RAB11FIP5: variants seen among roughly 807,000 people sequenced by gnomAD.
The protein encoded by RAB11FIP5 is rab11 family-interacting protein 5.
A neutral mutation model predicts 85.1 loss-of-function variants in RAB11FIP5; 48 were observed. That is an observed-to-expected ratio of 0.56 (90% confidence interval 0.45 to 0.72). RAB11FIP5 has a LOEUF of 0.72. RAB11FIP5 is among the 30% of genes least tolerant of loss of function. RAB11FIP5 has a pLI of 0.00. For missense variants in RAB11FIP5, 1,491 were observed against 1,687.0 expected, an observed-to-expected ratio of 0.88 and a Z score of 2.04; for synonymous variants, 729 against 727.3, an observed-to-expected ratio of 1.00 and a Z score of -0.04.
In RAB11FIP5 at chr2:73,080,003, G is replaced by A. The variant is rs1021772889; in HGVS notation, c.3229C>T (p.Leu1077Phe). 3.6e-5 allele frequency: 44 copies of A among 1,232,118 alleles called. No homozygotes were observed. Among genetic ancestry groups the A allele is most frequent in the Non-Finnish European group, 4.5e-5 (44 of 988,050 alleles). The allele number at this position is 1,232,118 out of a possible 1,614,324, so 76.3% of individuals were successfully genotyped here. A position where few individuals can be genotyped will look rare whatever the true frequency, so the allele number is the denominator to read the frequency against. The part of the protein sequence containing the change: ...LFQGSRDPPS[L>F]SSASPPGSRE... ...GACCCTGGCGGGGATGCAGATGAGA[G>A]GCTGGGAGGATCTCGGCTCCCCTGA... Residue 1077 changes from leucine to phenylalanine, a missense_variant, in exon 4 of 6, where the codon CTC becomes TTC. By Grantham distance (22) the Leu-to-Phe change is conservative (BLOSUM62 0). Around this residue, in one of 3 missense-constraint regions of RAB11FIP5, gnomAD observed 48 missense variants for 89.9 expected, o/e 0.53. Coordinates refer to ENST00000486777, the MANE Select transcript of RAB11FIP5 (RefSeq NM_001371272.1).
Position 73,112,662 on chromosome 2 carries a change from C to T in RAB11FIP5, c.116G>A (p.Gly39Asp), listed in dbSNP as rs1181314710. 4 of 1,596,336 alleles carry T rather than the reference C, an allele frequency of 2.5e-6. No homozygotes were observed. The highest frequency in any genetic ancestry group is 2.6e-6 in the Non-Finnish European group (3 of 1,173,224). ...CACCGTGTACGCGTCGCTGGTGCTG[C>T]CCGCTCCCGAGCTCTTGCCCCGCAG... Reference protein sequence around the residue: ...RGLRGKSSGAGSTSDAYTVIQ... With the variant: ...RGLRGKSSGADSTSDAYTVIQ... The change falls in exon 1 of 6, where the codon GGC becomes GAC. Residue 39 changes from glycine (G) to aspartate (D), a missense_variant. This residue lies in a region of RAB11FIP5 where 1,211 missense variants were observed against 1,338.0 expected (regional missense o/e 0.91). Transcript: ENST00000486777.
chr2:73,075,536 C>T lies in RAB11FIP5; in HGVS notation c.3960G>A (p.Pro1320=), dbSNP rs748028651. 17 of 1,613,950 alleles carry T rather than the reference C, an allele frequency of 1.1e-5. No homozygotes were observed. The highest frequency in any genetic ancestry group is 6.6e-5 in the South Asian group (6 of 91,076). Residue 1320 remains proline (P), a synonymous_variant, in exon 6 of 6, where the codon CCG becomes CCA. Coordinates refer to ENST00000486777, the MANE Select transcript of RAB11FIP5 (RefSeq NM_001371272.1). This position sits in a 1 kb window ranked among gnomAD's most constrained non-coding sequence, Gnocchi z 4.6. ...ETSPTLLQIP[P]GPPK ...GTGAGGAAGGCTATTTGGGGGGGCCCGGGGGGATCTGCAGCAGCGTGGGTG... is the reference window on the plus strand; with the variant it reads ...GTGAGGAAGGCTATTTGGGGGGGCCTGGGGGGATCTGCAGCAGCGTGGGTG...
chr2:73,088,856 G>T (rs767480208), intron 2 of RAB11FIP5, 23 bp downstream of exon 2: 26 of 1,545,744 alleles, frequency 1.7e-5, no homozygotes, highest in Non-Finnish European at 2.2e-5. Flanking sequence ...CCTCCCCAGG[G>T]CGGCGGCCCT....
rs72903417 is a variant in RAB11FIP5 at position 73,080,914 on chromosome 2, G to A, written c.2318C>T (p.Pro773Leu). Residue 773 changes from proline to leucine, a missense_variant, in exon 4 of 6, where the codon CCG becomes CTG. Pro to Leu is a moderately conservative substitution (Grantham distance 98, BLOSUM62 -3). Around this residue, in one of 3 missense-constraint regions of RAB11FIP5, gnomAD observed 1,211 missense variants for 1,338.0 expected, o/e 0.91. Transcript: ENST00000486777. ...GSEPDRELPA[P>L]EVEAGQSPAD... ...CGGACTCTGCCCTGCTTCCACTTCC[G>A]GGGCTGGCAGTTCCCTGTCTGGTTC... 1.3e-3 allele frequency: 1,583 copies of A among 1,232,578 alleles called. 6 individuals are homozygous for A. Among genetic ancestry groups the A allele is most frequent in the African/African-American group, 0.012 (794 of 64,534 alleles). The allele number at this position is 1,232,578 out of a possible 1,614,324, so 76.4% of individuals were successfully genotyped here.
chr2:73,096,778 C>T (rs866611989), intron 1 of RAB11FIP5, among the ~76,000 whole-genome samples: 2 of 152,192 alleles, frequency 1.3e-5, no homozygotes, highest in African/African-American at 4.8e-5. Context: ...ACGCCCCGCT[C>T]TCCCTCACTC....
At chr2:73,112,082 T>C (rs1261583900) in intron 1 of RAB11FIP5, among the ~76,000 whole-genome samples, 1 of 152,154 alleles carries the variant, frequency 6.6e-6, no homozygotes, top group East Asian at 1.9e-4. Flanking sequence ...CTAACTTTAC[T>C]TGACAATCTA....
At position 73,081,700 on chromosome 2, in the gene RAB11FIP5, A is replaced by C. The variant is rs1043790961; in HGVS notation, c.1569-37T>G. 2 of 1,230,988 alleles carry C rather than the reference A, an allele frequency of 1.6e-6. No individual in the cohort carries two copies. Among genetic ancestry groups the C allele is most frequent in the African/African-American group, 3.1e-5 (2 of 64,330 alleles). The allele number at this position is 1,230,988 out of a possible 1,614,324, so 76.3% of individuals were successfully genotyped here. The stretch of plus-strand genomic sequence containing the variant: ...GACAAAACCGTGAGCCTCCTGGTTA[A>C]TGCCAAGACTGGAAAGGCCCCTGAG... On this transcript the variant is annotated intron_variant, in intron 3 of 5. Transcript: ENST00000486777. The surrounding 1 kb of genome is among the most constrained non-coding windows in gnomAD (Gnocchi z 4.2).
chr2:73,092,037 G>T (rs947815838), intron 1 of RAB11FIP5, among the ~76,000 whole-genome samples: 9 of 152,216 alleles, frequency 5.9e-5, no homozygotes, highest in African/African-American at 2.2e-4. Flanking sequence ...GGCAGGAGAG[G>T]AAGTTTGACA....
At position 73,089,238 on chromosome 2, in the gene RAB11FIP5, C is replaced by A. The variant is rs765728323; in HGVS notation, c.509G>T (p.Arg170Leu). The A allele has an allele frequency of 1.1e-5, 18 of 1,614,034 alleles. No individual in the cohort carries two copies. The highest frequency in any genetic ancestry group is 1.7e-5 in the Admixed American group (1 of 60,006). ...AAACATACTGGCGCTCAGGTTGTTGCGCGTGAACTGGATGGTGACTTCAAT... is the reference window on the plus strand; with the variant it reads ...AAACATACTGGCGCTCAGGTTGTTGAGCGTGAACTGGATGGTGACTTCAAT... The part of the protein sequence containing the change: ...GEIEVTIQFT[R>L]NNLSASMFDL... Residue 170 changes from arginine (R) to leucine (L), a missense_variant, in exon 2 of 6, where the codon CGC becomes CTC. By Grantham distance (102) the Arg-to-Leu change is moderately radical. This residue lies in a region of RAB11FIP5 where 1,211 missense variants were observed against 1,338.0 expected (regional missense o/e 0.91). Coordinates refer to ENST00000486777, the MANE Select transcript of RAB11FIP5 (RefSeq NM_001371272.1). The surrounding 1 kb of genome is among the most constrained non-coding windows in gnomAD (Gnocchi z 4.6).
chr2:73,091,099 A>G (rs1684199023), intron 1 of RAB11FIP5, among the ~76,000 whole-genome samples: 1 of 152,224 alleles, frequency 6.6e-6, no homozygotes, highest in African/African-American at 2.4e-5. Flanking sequence ...ACAAAAAGGA[A>G]GAAACTATGA....
rs997379392 is a variant in RAB11FIP5 at position 73,078,302 on chromosome 2, G to T, written c.3581+1349C>A. ...TTGAGGAATGAGACAGCTCTATTTG[G>T]CCCGTCCACTTCATAACAGAAGGAA... On this transcript the variant is annotated intron_variant, in intron 4 of 5. Coordinates refer to ENST00000486777, the MANE Select transcript of RAB11FIP5 (RefSeq NM_001371272.1). This position sits in a 1 kb window ranked among gnomAD's most constrained non-coding sequence, Gnocchi z 4.4. Among the ~76,000 whole-genome samples, 2 of 152,188 alleles carry T rather than the reference G, an allele frequency of 1.3e-5. No homozygotes were observed. Among genetic ancestry groups the T allele is most frequent in the Non-Finnish European group, 2.9e-5 (2 of 68,034 alleles).
chr2:73,109,869 C>T (rs928419913), intron 1 of RAB11FIP5, among the ~76,000 whole-genome samples: 2 of 152,380 alleles, frequency 1.3e-5, no homozygotes, highest in Middle Eastern at 3.4e-3. Flanking sequence ...AATCTCCCTT[C>T]ACCATCACTG....
chr2:73,080,018 G>C lies in RAB11FIP5; in HGVS notation c.3214C>G (p.Arg1072Gly). Residue 1072 changes from arginine to glycine, a missense_variant, in exon 4 of 6, where the codon CGA (arginine) becomes GGA (glycine). Transcript: ENST00000486777. The stretch of plus-strand genomic sequence containing the variant: ...GCAGATGAGAGGCTGGGAGGATCTC[G>C]GCTCCCCTGAAACAAGAAGGGGTTC... Reference protein sequence around the residue: ...ALNPFLFQGSRDPPSLSSASP... With the variant: ...ALNPFLFQGSGDPPSLSSASP... 5.7e-6 allele frequency: 7 copies of C among 1,232,188 alleles called. No individual in the cohort carries two copies. The highest frequency in any genetic ancestry group is 7.1e-6 in the Non-Finnish European group (7 of 988,052). 76.3% of individuals were successfully genotyped at this position (1,232,188 alleles called of 1,614,324 possible). A position where few individuals can be genotyped will look rare whatever the true frequency, so the allele number is the denominator to read the frequency against.
intron 2 of RAB11FIP5, 26 bp from the exon 3 acceptor site, chr2:73,088,775 C>T (rs1684146379): frequency 6.4e-7 from 1 of 1,554,636 alleles, no homozygotes; most frequent in Non-Finnish European, 8.7e-7. Context: ...ACAGAGTTAG[C>T]TCGCAGGAAG....
At chr2:73,093,376 C>T (rs1463775610) in intron 1 of RAB11FIP5, among the ~76,000 whole-genome samples, 7 of 152,174 alleles carry the variant, frequency 4.6e-5, no homozygotes, top group African/African-American at 1.4e-4. Flanking sequence ...CTGGCAGCAC[C>T]GTGCCCCAGG....
At chr2:73,095,254 C>G (rs1257874633) in intron 1 of RAB11FIP5, among the ~76,000 whole-genome samples, 1 of 152,192 alleles carries the variant, frequency 6.6e-6, no homozygotes, top group Non-Finnish European at 1.5e-5. Context: ...GCAGCCAGGA[C>G]ATGATGGACA....
At chr2:73,107,820 G>T (rs535431054) in intron 1 of RAB11FIP5, among the ~76,000 whole-genome samples, 3 of 152,098 alleles carry the variant, frequency 2.0e-5, no homozygotes, top group African/African-American at 7.2e-5. Flanking sequence ...CTCTGGGGCC[G>T]AGCAGGAGCC....
chr2:73,092,542 G>A (rs1574299554), intron 1 of RAB11FIP5, among the ~76,000 whole-genome samples: 1 of 152,304 alleles, frequency 6.6e-6, no homozygotes, highest in African/African-American at 2.4e-5. Context: ...AATGGGCCGT[G>A]CTCCTCTGCC....
At chr2:73,111,020 A>C (rs934490704) in intron 1 of RAB11FIP5, among the ~76,000 whole-genome samples, 1 of 70,428 alleles carries the variant, frequency 1.4e-5, no homozygotes, top group Admixed American at 1.2e-4. Flanking sequence ...AAGGAGGAAA[A>C]AAACAAGGTC....
Sources: allele counts gnomAD v4.1 joint callset (sites outside exome capture counted in the v4.1 genomes callset), GRCh38; gene constraint gnomAD v4.1.1; regional missense constraint gnomAD v4.1.1; non-coding constraint Gnocchi (gnomAD v3.1); transcripts MANE v1.5; gene names NCBI Gene and HGNC (gene_info 2026-07-23, HGNC 2026-07-21).